The following CFAP100 variants were observed in gnomAD, a reference collection of about 807,000 sequenced individuals.
CFAP100 encodes cilia and flagella associated protein 100.
Under a neutral mutation model 81.5 loss-of-function variants are expected in CFAP100, and 70 were observed. The observed-to-expected ratio is 0.86, with a 90% confidence interval of 0.71 to 1.05. The LOEUF is 1.05. CFAP100 is among the 50% of genes least tolerant of loss of function. The probability of loss-of-function intolerance (pLI) is 0.00; values close to 1 mark genes in which losing one functional copy is unlikely to be tolerated. For missense variants in CFAP100, 811 were observed against 776.5 expected (o/e 1.04, Z -0.53); for synonymous variants, 341 against 314.8 (o/e 1.08, Z -0.88).
At chr3:126,414,479 G>A in intron 4 of CFAP100, 1 of 612,428 alleles carries the variant, frequency 1.6e-6, no homozygotes, top group Non-Finnish European at 2.9e-6. Flanking sequence ...ACTGCTGCCT[G>A]CGTGAAATGC....
intron 5 of CFAP100, chr3:126,417,983 C>T (rs2083269784): frequency 6.3e-6 from 1 of 159,674 alleles, no homozygotes; most frequent in East Asian, 1.9e-4. Flanking sequence ...ACCTCGACTT[C>T]CTCCTGTCTG....
At position 126,423,574 on chromosome 3, in the gene CFAP100, C is replaced by T. The variant is rs1335051830; in HGVS notation, c.1216C>T (p.Gln406Ter). The T allele has an allele frequency of 6.2e-7, 1 of 1,613,278 alleles. No individual in the cohort carries two copies. The highest frequency in any genetic ancestry group is 1.7e-5 in the Admixed American group (1 of 59,992). Reference sequence around the variant, plus strand: ...GGAGGAGCAGAACCTGTCGCTGATCCAGAACAGCCAGGAGACGGAGAAGAC... The same window carrying T: ...GGAGGAGCAGAACCTGTCGCTGATCTAGAACAGCCAGGAGACGGAGAAGAC... ...ELEEQNLSLI[Q>*]NSQETEKTLE... The change falls in exon 13 of 17, where the codon CAG (glutamine) becomes TAG (stop). Residue 406 changes from glutamine to a stop codon, truncating the protein, a stop_gained. Transcript: ENST00000352312. LOFTEE classifies it high-confidence loss of function.
chr3:126,432,230 G>T (rs1560081769), intron 13 of CFAP100, among the ~76,000 whole-genome samples: 3 of 127,550 alleles, frequency 2.4e-5, no homozygotes, highest in Non-Finnish European at 4.7e-5. Flanking sequence ...AGTGAGCCGA[G>T]ATTGTGACAC....
chr3:126,434,318 A>C lies in CFAP100; in HGVS notation c.1565A>C (p.Glu522Ala), dbSNP rs765979684. ...HQLDELLENLEHVPQVKIEQA... is the reference protein window; with the variant it reads ...HQLDELLENLAHVPQVKIEQA... ...CTGGATGAGCTGCTAGAGAACCTGG[A>C]GCACGTGCCCCAGGTCAAGATCGAG... is the stretch of plus-strand genomic sequence containing the variant. The change falls in exon 15 of 17, where the codon GAG becomes GCG. Residue 522 changes from glutamate (E) to alanine (A), a missense_variant. Physicochemically the swap from Glu to Ala is moderately radical, Grantham distance 107. Transcript: ENST00000352312. 1 of 1,613,970 alleles carries C rather than the reference A, an allele frequency of 6.2e-7. No individual in the cohort carries two copies. The highest frequency in any genetic ancestry group is 1.3e-5 in the African/African-American group (1 of 74,916).
At position 126,436,456 on chromosome 3, in the gene CFAP100, G is replaced by A. The variant is rs1329480444; in HGVS notation, c.*52G>A. 3.5e-6 allele frequency: 5 copies of A among 1,423,626 alleles called. No individual in the cohort carries two copies. In the East Asian group the frequency reaches 1.2e-4, roughly 34 times the overall value. 88.2% of individuals were successfully genotyped at this position (1,423,626 alleles called of 1,614,324 possible). A position where few individuals can be genotyped will look rare whatever the true frequency, so the allele number is the denominator to read the frequency against. ...TGAAGGCTTAGCAAAGATGTTGGCA[G>A]AGGAAGCAGAGACTGGGCTGGGTCT... On this transcript the variant is annotated 3_prime_UTR_variant, in exon 17 of 17. Coordinates refer to ENST00000352312, the MANE Select transcript of CFAP100 (RefSeq NM_182628.3).
intron 13 of CFAP100, chr3:126,432,825 CTG>C (rs1933284391): frequency 1.3e-5 from 5 of 380,830 alleles, no homozygotes; most frequent in African/African-American, 6.1e-5. Context: ...ATTTTATTGT[CTG>C]TGAATTATGC....
chr3:126,406,132 A>G (rs1576620325), intron 2 of CFAP100, among the ~76,000 whole-genome samples: 1 of 151,772 alleles, frequency 6.6e-6, no homozygotes, highest in South Asian at 2.1e-4. Flanking sequence ...CCCCAGCCTC[A>G]CCTCTCCCGA....
At chr3:126,434,458 C>T (rs553176335) in intron 15 of CFAP100, 77 bp downstream of exon 15, 7 of 1,385,688 alleles carry the variant, frequency 5.1e-6, no homozygotes, top group East Asian at 2.4e-5. Flanking sequence ...AGGCCCCACC[C>T]TCAAAGCACT....
intron 13 of CFAP100, among the ~76,000 whole-genome samples, chr3:126,426,999 T>C (rs1208543596): frequency 1.3e-5 from 2 of 152,190 alleles, no homozygotes; most frequent in African/African-American, 4.8e-5. Flanking sequence ...AAAACTCTGA[T>C]GAAATCAAAG....
At chr3:126,415,398 A>C (rs2083220367) in intron 4 of CFAP100, among the ~76,000 whole-genome samples, 2 of 71,938 alleles carry the variant, frequency 2.8e-5, no homozygotes, top group Non-Finnish European at 2.8e-5. Flanking sequence ...ACCCTCCCCC[A>C]CCCAGCATCC....
At chr3:126,433,330 C>G in intron 14 of CFAP100, 126 bp downstream of exon 14, 2 of 1,147,540 alleles carry the variant, frequency 1.7e-6, no homozygotes, top group Non-Finnish European at 2.5e-6. Context: ...CTGCAGCTGC[C>G]CTTGCCCTGC....
intron 13 of CFAP100, 199 bp from the exon 14 acceptor site, chr3:126,432,870 A>T: frequency 2.2e-6 from 1 of 457,940 alleles, no homozygotes; most frequent in Non-Finnish European, 3.8e-6. Flanking sequence ...TTTAATGTTG[A>T]TTGTTAAATA....
At chr3:126,418,273 G>A (rs1279709617) in intron 5 of CFAP100, 185 bp from the exon 6 acceptor site, 2 of 604,320 alleles carry the variant, frequency 3.3e-6, no homozygotes, top group East Asian at 5.6e-5. Context: ...AACATTTCAG[G>A]CAGAGCCTTC....
rs374713719 is a variant in CFAP100, at chr3:126,416,398, G to A, written c.308G>A (p.Arg103Gln). 9.9e-6 allele frequency: 16 copies of A among 1,612,056 alleles called. No homozygotes were observed. The highest frequency in any genetic ancestry group is 6.7e-5 in the Admixed American group (4 of 59,950). The change falls in exon 5 of 17, where the codon CGG (arginine) becomes CAG (glutamine). Residue 103 changes from arginine to glutamine, a missense_variant. By Grantham distance (43) the Arg-to-Gln change is conservative. Transcript: ENST00000352312. ...SKVSAKHTSL[R>Q]RQLQLEDKQE... ...GTGTCGGCTAAGCACACCAGCCTGC[G>A]GCGGCAGCTGCAGCTGGAGGACAAG... is the stretch of plus-strand genomic sequence containing the variant.
chr3:126,428,933 CCT>C (rs1408696128), intron 13 of CFAP100, among the ~76,000 whole-genome samples: 3 of 151,660 alleles, frequency 2.0e-5, no homozygotes, highest in African/African-American at 4.8e-5. Context: ...ATAGTGAAAC[CCT>C]GTCTTTACTA....
At chr3:126,397,980 T>G (rs1294485421) in intron 2 of CFAP100, among the ~76,000 whole-genome samples, 1 of 152,094 alleles carries the variant, frequency 6.6e-6, no homozygotes, top group Admixed American at 6.5e-5. Context: ...CGTGGTGTGT[T>G]CAAGGGAGAG....
chr3:126,432,413 T>C (rs1261420098), intron 13 of CFAP100, among the ~76,000 whole-genome samples: 1 of 151,854 alleles, frequency 6.6e-6, no homozygotes, highest in Non-Finnish European at 1.5e-5. Context: ...GCAGCAATAT[T>C]CCCAAGAGCC....
intron 13 of CFAP100, among the ~76,000 whole-genome samples, chr3:126,424,103 G>C (rs978356818): frequency 1.3e-5 from 2 of 152,246 alleles, no homozygotes; most frequent in Admixed American, 6.5e-5. Flanking sequence ...GCGGGTGTTC[G>C]CGGCACAGAA....
chr3:126,425,307 T>C (rs1031838751), intron 13 of CFAP100, among the ~76,000 whole-genome samples: 2 of 152,158 alleles, frequency 1.3e-5, no homozygotes, highest in Admixed American at 1.3e-4. Context: ...TTAACTTCCA[T>C]GAACTCAGCC....
Sources: gnomAD v4.1 joint callset for allele counts (sites outside exome capture counted in the v4.1 genomes callset) on GRCh38, gnomAD v4.1.1 for gene constraint, MANE v1.5 for transcripts, NCBI Gene and HGNC (gene_info 2026-07-23, HGNC 2026-07-21) for gene names.